DNER: variants seen among roughly 807,000 people sequenced by gnomAD.
DNER encodes the protein delta/notch like EGF repeat containing, also known as delta and Notch-like epidermal growth factor-related receptor.
A neutral mutation model predicts 78.2 loss-of-function variants in DNER; 33 were observed. That is an observed-to-expected ratio of 0.42 (90% CI 0.32 to 0.56). The LOEUF (loss-of-function observed/expected upper bound fraction) is 0.56, where lower values mean the gene tolerates loss of function less well. Among genes scored for constraint, DNER ranks in the 20% least tolerant of loss-of-function variants. The pLI is 0.11. For synonymous variants in DNER, 417 were observed against 384.8 expected, an observed-to-expected ratio of 1.08 and a Z score of -0.98; for missense variants, 918 against 975.3, an observed-to-expected ratio of 0.94 and a Z score of 0.78.
chr2:229,606,833 C>G (rs370410886), intron 1 of DNER, among the ~76,000 whole-genome samples: 1 of 152,130 alleles, frequency 6.6e-6, no homozygotes, highest in Non-Finnish European at 1.5e-5. Flanking sequence ...GCGGAGGTTG[C>G]GGTGAGCTGA....
intron 7 of DNER, among the ~76,000 whole-genome samples, chr2:229,465,686 T>C (rs10933298): frequency 0.73 from 109,855 of 151,492 alleles, 40,029 homozygotes; most frequent in South Asian, 0.83. Context: ...TTTGTATGTA[T>C]CTTAAAATTC....
intron 4 of DNER, among the ~76,000 whole-genome samples, chr2:229,582,170 G>A (rs1271072177): frequency 6.6e-6 from 1 of 152,182 alleles, no homozygotes; most frequent in Non-Finnish European, 1.5e-5. Context: ...ATTTGTGTCT[G>A]GAGAGTCCAG....
chr2:229,595,659 A>T (rs2154214772), intron 1 of DNER, among the ~76,000 whole-genome samples: 1 of 151,748 alleles, frequency 6.6e-6, no homozygotes, highest in South Asian at 2.1e-4. Context: ...CCTGCCCCTG[A>T]CCTCCCTCAC....
intron 7 of DNER, among the ~76,000 whole-genome samples, chr2:229,453,896 G>T (rs1694511968): frequency 6.8e-6 from 1 of 146,262 alleles, no homozygotes; most frequent in African/African-American, 2.6e-5. Flanking sequence ...GAAGTTGCAG[G>T]GTTTGGTCAG....
At chr2:229,640,764 G>A (rs550543853) in intron 1 of DNER, among the ~76,000 whole-genome samples, 50 of 152,314 alleles carry the variant, frequency 3.3e-4, no homozygotes, top group African/African-American at 7.5e-4. Flanking sequence ...AGGACCTAGC[G>A]GAAGTTGGAG....
chr2:229,416,746 C>G (rs1057335087), intron 9 of DNER, among the ~76,000 whole-genome samples: 18 of 152,158 alleles, frequency 1.2e-4, no homozygotes, highest in African/African-American at 4.1e-4. Context: ...AGGCTCCCAG[C>G]ACACATACCC....
At chr2:229,594,952 TAAAAAAAAAAAAAAAAAAAAAAA>T (rs200824543) in intron 1 of DNER, among the ~76,000 whole-genome samples, 1 of 102,688 alleles carries the variant, frequency 9.7e-6, no homozygotes, top group Non-Finnish European at 2.0e-5. Flanking sequence ...AAATGCTGTT[TAAAAAAAAAAAAAAAAAAAAAAA>T]AAAAAAAAAA....
intron 4 of DNER, among the ~76,000 whole-genome samples, chr2:229,564,296 T>A (rs1348050191): frequency 1.4e-5 from 2 of 144,418 alleles, no homozygotes; most frequent in Non-Finnish European, 3.0e-5. Context: ...ACCATCATCA[T>A]CCTCCTCACC....
At chr2:229,510,220 A>C (rs531040950) in intron 6 of DNER, among the ~76,000 whole-genome samples, 3 of 152,264 alleles carry the variant, frequency 2.0e-5, no homozygotes, top group Non-Finnish European at 4.4e-5. Flanking sequence ...ATCCTGGTGC[A>C]GAATGAGGCC....
chr2:229,392,757 C>T (rs745895517), intron 10 of DNER, among the ~76,000 whole-genome samples: 1 of 152,074 alleles, frequency 6.6e-6, no homozygotes, highest in Non-Finnish European at 1.5e-5. Flanking sequence ...TCTACATTCA[C>T]CTCCCCAAAA....
intron 1 of DNER, among the ~76,000 whole-genome samples, chr2:229,692,617 AGCCAT>A (rs1285012330): frequency 6.6e-6 from 1 of 152,244 alleles, no homozygotes; most frequent in Non-Finnish European, 1.5e-5. Context: ...AAAAGCATTA[AGCCAT>A]GCATAAAAAT....
intron 1 of DNER, among the ~76,000 whole-genome samples, chr2:229,655,043 A>G (rs1003441644): frequency 5.9e-5 from 9 of 152,194 alleles, no homozygotes; most frequent in Admixed American, 2.0e-4. Context: ...ACTGAGATGA[A>G]TCTAATAGAA....
At chr2:229,710,983 G>A (rs867036538) in intron 1 of DNER, among the ~76,000 whole-genome samples, 1,548 of 139,812 alleles carry the variant, frequency 0.011, 30 homozygotes, top group Middle Eastern at 0.05. Flanking sequence ...GCATACACGC[G>A]CACACACACA....
intron 7 of DNER, among the ~76,000 whole-genome samples, chr2:229,455,094 G>A (rs1282187113): frequency 6.6e-6 from 1 of 152,160 alleles, no homozygotes; most frequent in East Asian, 1.9e-4. Flanking sequence ...TTGCTTTAAC[G>A]AGTAAATTCT....
At chr2:229,382,680 C>T (rs1183826323) in intron 11 of DNER, among the ~76,000 whole-genome samples, 2 of 151,312 alleles carry the variant, frequency 1.3e-5, no homozygotes, top group Non-Finnish European at 2.9e-5. Context: ...GACTGAAGAC[C>T]AACTTAATGA....
intron 1 of DNER, among the ~76,000 whole-genome samples, chr2:229,653,283 C>T (rs1270472667): frequency 6.6e-6 from 1 of 152,150 alleles, no homozygotes; most frequent in South Asian, 2.1e-4. Context: ...GATGGAGAGT[C>T]GAGGCTGACA....
intron 1 of DNER, among the ~76,000 whole-genome samples, chr2:229,657,281 T>C (rs56242730): frequency 0.034 from 5,244 of 152,294 alleles, 210 homozygotes; most frequent in African/African-American, 0.096. Flanking sequence ...CATAATGTCC[T>C]CCAGGTTCAT....
At chr2:229,467,933 G>T (rs890021328) in intron 7 of DNER, among the ~76,000 whole-genome samples, 8 of 152,216 alleles carry the variant, frequency 5.3e-5, no homozygotes, top group Non-Finnish European at 1.2e-4. Context: ...AGAGGCAGCA[G>T]CCAGCATGAG....
chr2:229,658,588 A>G (rs888572333), intron 1 of DNER, among the ~76,000 whole-genome samples: 8 of 152,222 alleles, frequency 5.3e-5, no homozygotes, highest in African/African-American at 1.9e-4. Context: ...TTAAGCACTC[A>G]CAATGTGCCT....
Sources: gnomAD v4.1 joint callset for allele counts (sites outside exome capture counted in the v4.1 genomes callset) on GRCh38, gnomAD v4.1.1 for gene constraint, MANE v1.5 for transcripts, NCBI Gene and HGNC (gene_info 2026-07-23, HGNC 2026-07-21) for gene names.